Variants in GULP1 observed in about 807,000 individuals in gnomAD.
GULP1 encodes the protein PTB domain-containing engulfment adapter protein 1.
In GULP1, 19 loss-of-function variants were observed where a neutral mutation model predicts 40.9. That is an observed-to-expected ratio of 0.46 (90% CI 0.32 to 0.68). The LOEUF is 0.68. Ranked by LOEUF, GULP1 falls within the 30% of genes least tolerant of loss-of-function variation. The pLI, the probability that GULP1 is intolerant of heterozygous loss-of-function variation, is 0.03. For synonymous variants in GULP1, 119 were observed against 117.6 expected (o/e 1.01, Z -0.08); for missense variants, 312 against 362.2 (o/e 0.86, Z 1.12).
chr2:188,558,156 G>A (rs1338467234), intron 7 of GULP1, among the ~76,000 whole-genome samples: 2 of 152,044 alleles, frequency 1.3e-5, no homozygotes, highest in African/African-American at 4.8e-5. Context: ...CTACCACATG[G>A]CCAGTGATAC....
chr2:188,511,113 T>G (rs11902664), intron 4 of GULP1, among the ~76,000 whole-genome samples: 1 of 152,054 alleles, frequency 6.6e-6, no homozygotes, highest in African/African-American at 2.4e-5. Flanking sequence ...AGCGAGGCTA[T>G]GAAAGGCAGA....
intron 1 of GULP1, among the ~76,000 whole-genome samples, chr2:188,357,449 G>T (rs1229199893): frequency 6.6e-6 from 1 of 152,086 alleles, no homozygotes; most frequent in Admixed American, 6.5e-5. Flanking sequence ...ATGAGAAAAC[G>T]CTTGACATCG....
intron 1 of GULP1, among the ~76,000 whole-genome samples, chr2:188,353,768 A>G (rs2044845410): frequency 6.6e-6 from 1 of 151,724 alleles, no homozygotes; most frequent in South Asian, 2.1e-4. Context: ...CAAGCTGAAG[A>G]GGTGCCCTGT....
intron 1 of GULP1, among the ~76,000 whole-genome samples, chr2:188,315,498 A>G (rs2038925527): frequency 6.6e-6 from 1 of 152,052 alleles, no homozygotes; most frequent in Non-Finnish European, 1.5e-5. Flanking sequence ...CTGTTTCCCA[A>G]TGTCTTTGTT....
intron 1 of GULP1, among the ~76,000 whole-genome samples, chr2:188,364,175 T>C (rs949700796): frequency 2.6e-5 from 4 of 152,158 alleles, no homozygotes; most frequent in Non-Finnish European, 4.4e-5. Context: ...GCTCAAGCAA[T>C]AGGCAATCCT....
chr2:188,547,306 A>C (rs1256472641), intron 7 of GULP1, among the ~76,000 whole-genome samples: 1 of 151,996 alleles, frequency 6.6e-6, no homozygotes, highest in Non-Finnish European at 1.5e-5. Context: ...TTCCTAAGGA[A>C]ATATAACCCA....
At chr2:188,332,918 A>G (rs2041803602) in intron 1 of GULP1, among the ~76,000 whole-genome samples, 1 of 152,126 alleles carries the variant, frequency 6.6e-6, no homozygotes, top group Non-Finnish European at 1.5e-5. Context: ...TTGGATAAGT[A>G]GCTTCGTCAG....
At chr2:188,424,448 C>A (rs1206553984) in intron 2 of GULP1, among the ~76,000 whole-genome samples, 1 of 151,816 alleles carries the variant, frequency 6.6e-6, no homozygotes, top group African/African-American at 2.4e-5. Flanking sequence ...CATTTTGCAA[C>A]CTTACTCCCA....
intron 2 of GULP1, among the ~76,000 whole-genome samples, chr2:188,432,962 C>A (rs1246363197): frequency 6.6e-6 from 1 of 151,916 alleles, no homozygotes; most frequent in African/African-American, 2.4e-5. Context: ...TATGAACTTA[C>A]CAGCTTACAA....
At chr2:188,485,615 A>T (rs563922419) in intron 4 of GULP1, among the ~76,000 whole-genome samples, 1 of 152,114 alleles carries the variant, frequency 6.6e-6, no homozygotes, top group East Asian at 1.9e-4. Flanking sequence ...AATAGAAAAA[A>T]AAATACAGAC....
At chr2:188,393,123 A>AT (rs148817399) in intron 2 of GULP1, among the ~76,000 whole-genome samples, 52 of 144,290 alleles carry the variant, frequency 3.6e-4, no homozygotes, top group African/African-American at 5.1e-4. Context: ...GCTTAAGTCC[A>AT]TTTTTTTTTT....
At chr2:188,558,323 T>C (rs546244436) in intron 7 of GULP1, among the ~76,000 whole-genome samples, 4 of 152,272 alleles carry the variant, frequency 2.6e-5, no homozygotes, top group Admixed American at 6.5e-5. Flanking sequence ...TGAGATCTGA[T>C]GGTTTTATCA....
intron 2 of GULP1, among the ~76,000 whole-genome samples, chr2:188,456,641 G>A (rs1008827333): frequency 3.9e-4 from 59 of 152,198 alleles, no homozygotes; most frequent in African/African-American, 1.3e-3. Flanking sequence ...CTAGGACAGC[G>A]AGGAAGGGAA....
At chr2:188,483,288 A>G (rs1043331274) in intron 3 of GULP1, 143 bp from the exon 4 acceptor site, 2 of 431,454 alleles carry the variant, frequency 4.6e-6, no homozygotes, top group Non-Finnish European at 8.6e-6. Context: ...TTGTTCTTCT[A>G]TCTGAGTGGT....
At chr2:188,524,260 T>C (rs577007725) in intron 5 of GULP1, among the ~76,000 whole-genome samples, 21 of 152,312 alleles carry the variant, frequency 1.4e-4, no homozygotes, top group Non-Finnish European at 3.1e-4. Flanking sequence ...TGTAAAGATA[T>C]ATTTGAAATC....
chr2:188,557,437 A>G (rs75290699), intron 7 of GULP1, among the ~76,000 whole-genome samples: 389 of 152,348 alleles, frequency 2.6e-3, no homozygotes, highest in African/African-American at 8.3e-3. Context: ...CACAATCCCA[A>G]AATCCAGCAG....
chr2:188,480,984 G>A (rs2061405797), intron 3 of GULP1, among the ~76,000 whole-genome samples: 1 of 151,812 alleles, frequency 6.6e-6, no homozygotes, highest in African/African-American at 2.4e-5. Flanking sequence ...TTTCACCATT[G>A]TAAGCTCTGA....
At chr2:188,572,925 A>C (rs1231596952) in intron 9 of GULP1, among the ~76,000 whole-genome samples, 1 of 152,152 alleles carries the variant, frequency 6.6e-6, no homozygotes, top group African/African-American at 2.4e-5. Flanking sequence ...AAATAAGTTC[A>C]AGAGATCTCT....
chr2:188,400,597 A>T (rs578259875), intron 2 of GULP1, among the ~76,000 whole-genome samples: 2 of 152,290 alleles, frequency 1.3e-5, no homozygotes, highest in South Asian at 2.1e-4. Flanking sequence ...CAGGTGGATG[A>T]CCTAATCAGA....
Sources: gnomAD v4.1 joint callset for allele counts (sites outside exome capture counted in the v4.1 genomes callset) on GRCh38, gnomAD v4.1.1 for gene constraint, MANE v1.5 for transcripts, NCBI Gene and HGNC (gene_info 2026-07-23, HGNC 2026-07-21) for gene names.